The following DOCK2 variants were observed in gnomAD, a reference collection of about 807,000 sequenced individuals.
The protein encoded by DOCK2 is dedicator of cytokinesis protein 2.
A neutral mutation model predicts 248.9 loss-of-function variants in DOCK2; 87 were observed. The observed-to-expected ratio is 0.35, with a 90% CI of 0.29 to 0.42. The LOEUF is 0.42. Among genes scored for constraint, DOCK2 ranks in the 10% least tolerant of loss-of-function variants. DOCK2 has a pLI of 1.00. For missense variants in DOCK2, 1,747 were observed against 2,300.2 expected, an observed-to-expected ratio of 0.76 and a Z score of 4.92; for synonymous variants, 805 against 821.6, an observed-to-expected ratio of 0.98 and a Z score of 0.35.
intron 27 of DOCK2, among the ~76,000 whole-genome samples, chr5:169,954,314 T>G (rs1776780333): frequency 6.6e-6 from 1 of 152,222 alleles, no homozygotes; most frequent in Non-Finnish European, 1.5e-5. Context: ...GTAATAAAAT[T>G]TTTATGAACA....
chr5:170,058,795 C>A (rs1020768815), intron 44 of DOCK2, among the ~76,000 whole-genome samples: 2 of 152,180 alleles, frequency 1.3e-5, no homozygotes, highest in African/African-American at 4.8e-5. Context: ...TTGTATCAGA[C>A]GATAGCATTG....
At chr5:169,881,280 A>G in intron 27 of DOCK2, 1 of 1,116,390 alleles carries the variant, frequency 9.0e-7, no homozygotes, top group Non-Finnish European at 1.3e-6. Flanking sequence ...GCCTCTCTTG[A>G]CTTTTTGCAT....
chr5:169,863,175 G>A (rs1771311161), intron 27 of DOCK2, among the ~76,000 whole-genome samples: 4 of 152,198 alleles, frequency 2.6e-5, no homozygotes, highest in Non-Finnish European at 5.9e-5. Flanking sequence ...CTTTGGGATG[G>A]AAAGATATTT....
intron 27 of DOCK2, among the ~76,000 whole-genome samples, chr5:169,932,404 G>A (rs1775798181): frequency 6.6e-6 from 1 of 152,172 alleles, no homozygotes; most frequent in Non-Finnish European, 1.5e-5. Context: ...GTGACATGAA[G>A]TAGGGAGAGA....
At chr5:169,780,790 G>A (rs774683767) in intron 25 of DOCK2, among the ~76,000 whole-genome samples, 8 of 152,184 alleles carry the variant, frequency 5.3e-5, no homozygotes, top group Non-Finnish European at 1.0e-4. Context: ...CTTGGGAACC[G>A]TAACTTTAAG....
chr5:169,789,424 T>C (rs182496811), intron 25 of DOCK2, among the ~76,000 whole-genome samples: 2 of 152,362 alleles, frequency 1.3e-5, no homozygotes, highest in East Asian at 3.9e-4. Flanking sequence ...ATATGTTTCA[T>C]TGTACATATG....
intron 6 of DOCK2, 33 bp from the exon 7 acceptor site, chr5:169,681,711 G>T: frequency 6.2e-7 from 1 of 1,609,392 alleles, no homozygotes; most frequent in South Asian, 1.1e-5. Context: ...GTTCTCCCCT[G>T]ATTTGTCTTC....
intron 27 of DOCK2, among the ~76,000 whole-genome samples, chr5:169,850,210 T>C (rs1770551486): frequency 6.6e-6 from 1 of 152,148 alleles, no homozygotes; most frequent in East Asian, 1.9e-4. Flanking sequence ...TTCTCTAATT[T>C]AGTCAGTGAG....
At chr5:169,699,817 C>A (rs1161214688) in intron 12 of DOCK2, among the ~76,000 whole-genome samples, 197 bp from the exon 13 acceptor site, 1 of 152,216 alleles carries the variant, frequency 6.6e-6, no homozygotes, top group Non-Finnish European at 1.5e-5. Context: ...GAGGCTGACA[C>A]CGCTAGAAAT....
chr5:169,927,750 G>A (rs254719), intron 27 of DOCK2, among the ~76,000 whole-genome samples: 11,759 of 152,254 alleles, frequency 0.077, 668 homozygotes, highest in Non-Finnish European at 0.12. Flanking sequence ...CCGAGTAGCT[G>A]GGACTACAGG....
intron 10 of DOCK2, among the ~76,000 whole-genome samples, chr5:169,696,852 C>A (rs922129009): frequency 6.6e-6 from 1 of 150,732 alleles, no homozygotes; most frequent in African/African-American, 2.4e-5. Context: ...CCTGGCACTG[C>A]GGCTAGCTAG....
chr5:169,755,947 T>C lies in DOCK2; in HGVS notation c.2377-3758T>C, dbSNP rs746714189. On this transcript the variant is annotated intron_variant, in intron 23 of 51. Coordinates refer to ENST00000520908, the MANE Select transcript of DOCK2 (RefSeq NM_004946.3). ...GTCAGGGCAAGACCATAGACAGAAG[T>C]CCTCTGACAAATGCTGACCGTGACA... 6.8e-4 allele frequency among the ~76,000 whole-genome samples: 103 copies of C among 152,098 alleles called. 2 individuals carry two copies. The highest frequency in any genetic ancestry group is 8.8e-5 in the Non-Finnish European group (6 of 68,000).
chr5:169,856,699 T>C (rs12513693), intron 27 of DOCK2, among the ~76,000 whole-genome samples: 14,564 of 152,274 alleles, frequency 0.096, 836 homozygotes, highest in Admixed American at 0.17. Context: ...GTTTGTAGAA[T>C]TGAATTTCAT....
chr5:170,040,267 G>A (rs541060618), intron 36 of DOCK2, among the ~76,000 whole-genome samples: 2 of 152,272 alleles, frequency 1.3e-5, no homozygotes, highest in Admixed American at 6.5e-5. Context: ...TACCTATTAT[G>A]GATCAGTTAT....
intron 27 of DOCK2, among the ~76,000 whole-genome samples, chr5:169,863,428 G>C (rs1771329904): frequency 6.6e-6 from 1 of 152,194 alleles, no homozygotes; most frequent in African/African-American, 2.4e-5. Context: ...TTTAAATATT[G>C]CAGGTAAGTT....
At chr5:169,829,083 C>A (rs957250951) in intron 26 of DOCK2, among the ~76,000 whole-genome samples, 1 of 151,874 alleles carries the variant, frequency 6.6e-6, no homozygotes. Flanking sequence ...AAAGGAAACA[C>A]TAGTTTGCGA....
At chr5:169,820,289 G>C (rs1768346861) in intron 26 of DOCK2, among the ~76,000 whole-genome samples, 1 of 152,194 alleles carries the variant, frequency 6.6e-6, no homozygotes, top group South Asian at 2.1e-4. Context: ...TCCCAGCATG[G>C]AGTTTGAGAT....
chr5:169,799,811 GT>G (rs147707152), intron 25 of DOCK2, among the ~76,000 whole-genome samples: 20 of 151,278 alleles, frequency 1.3e-4, no homozygotes, highest in Admixed American at 1.1e-3. Flanking sequence ...CAACGAGTTG[GT>G]TTTTTTTTCT....
chr5:169,883,849 C>G (rs1193336500), intron 27 of DOCK2: 9 of 1,538,190 alleles, frequency 5.9e-6, no homozygotes, highest in Non-Finnish European at 4.4e-6. Context: ...TGATTCTAGA[C>G]TGTTACGCTT....
Sources: allele counts gnomAD v4.1 joint callset (sites outside exome capture counted in the v4.1 genomes callset), GRCh38; gene constraint gnomAD v4.1.1; transcripts MANE v1.5; gene names NCBI Gene and HGNC (gene_info 2026-07-23, HGNC 2026-07-21).